Variants in TG observed in about 807,000 individuals in gnomAD.
TG encodes thyroid hormones.
Under a neutral mutation model 324.7 loss-of-function variants are expected in TG, and 270 were observed. That is an observed-to-expected ratio of 0.83 (90% CI 0.75 to 0.92). The LOEUF (loss-of-function observed/expected upper bound fraction) is 0.92, where lower values mean the gene tolerates loss of function less well. Among genes scored for constraint, TG ranks in the 40% least tolerant of loss-of-function variants. The pLI is 0.00. For missense variants in TG, 3,591 were observed against 3,456.4 expected (o/e 1.04, Z -0.98); for synonymous variants, 1,401 against 1,327.0 (o/e 1.06, Z -1.21).
At chr8:133,001,953 G>A in intron 35 of TG, 1 of 985,462 alleles carries the variant, frequency 1.0e-6, no homozygotes, top group Non-Finnish European at 1.2e-6. Flanking sequence ...ATTCCTCTTG[G>A]TTTTGATTGC....
intron 21 of TG, among the ~76,000 whole-genome samples, chr8:132,921,977 C>G (rs973427493): frequency 1.3e-5 from 2 of 152,172 alleles, no homozygotes; most frequent in Non-Finnish European, 2.9e-5. Context: ...CTTCCCAGAC[C>G]TGGAGAACCA....
chr8:132,915,471 A>G (rs1820159596), intron 20 of TG, among the ~76,000 whole-genome samples: 1 of 152,164 alleles, frequency 6.6e-6, no homozygotes. Flanking sequence ...GGGAAAGAGT[A>G]GGGCCTGGGA....
intron 29 of TG, chr8:132,964,801 A>G: frequency 1.5e-6 from 1 of 677,990 alleles, no homozygotes; most frequent in East Asian, 2.7e-5. Flanking sequence ...CCACTGCATG[A>G]CAGTGTGGCA....
chr8:132,988,636 T>A, intron 35 of TG: 1 of 902,752 alleles, frequency 1.1e-6, no homozygotes, highest in Non-Finnish European at 1.3e-6. Context: ...TGGATAAAAA[T>A]TGTTTTATAA....
chr8:133,108,809 T>C (rs1850041071), intron 43 of TG, among the ~76,000 whole-genome samples: 1 of 152,200 alleles, frequency 6.6e-6, no homozygotes, highest in South Asian at 2.1e-4. Context: ...CCCTTTGCCA[T>C]GTAGTACTCT....
At chr8:133,059,365 C>T (rs1183630639) in intron 41 of TG, among the ~76,000 whole-genome samples, 1 of 152,214 alleles carries the variant, frequency 6.6e-6, no homozygotes, top group African/African-American at 2.4e-5. Context: ...AAGGGGCCAG[C>T]ATAGCTGAGT....
Position 133,055,363 on chromosome 8 carries a change from GCGCACACACACACACACA to G in TG, c.7239+25342_7239+25359del, listed in dbSNP as rs1475329342. Among the ~76,000 whole-genome samples the G allele has an allele frequency of 1.2e-3, 38 of 32,020 alleles. 1 individual carries two copies. Among genetic ancestry groups the G allele is most frequent in the African/African-American group, 4.9e-3 (24 of 4,882 alleles). 21.0% of individuals were successfully genotyped at this position (32,020 alleles called of 152,430 possible). ...ATCTTCAGGACACACACACGCACGC[GCGCACACACACACACACA>G]CACACACACACACACACACACACAC... On this transcript the variant is annotated intron_variant, in intron 41 of 47. Coordinates refer to ENST00000220616, the MANE Select transcript of TG (RefSeq NM_003235.5).
At chr8:132,926,544 C>T (rs190033730) in intron 22 of TG, among the ~76,000 whole-genome samples, 40 of 152,256 alleles carry the variant, frequency 2.6e-4, no homozygotes, top group Non-Finnish European at 4.9e-4. Flanking sequence ...GCCATAGGTA[C>T]TCTTTGACAG....
chr8:133,124,768 C>T (rs1309741356), intron 45 of TG, among the ~76,000 whole-genome samples: 1 of 152,194 alleles, frequency 6.6e-6, no homozygotes, highest in African/African-American at 2.4e-5. Context: ...GTTGTCCCAA[C>T]CCTGGAAAAC....
chr8:133,115,129 C>G (rs2958684), intron 44 of TG, among the ~76,000 whole-genome samples: 30,821 of 149,998 alleles, frequency 0.21, 3,313 homozygotes, highest in South Asian at 0.29. Flanking sequence ...ATCAAAAAAC[C>G]TAGGTTCTTG....
chr8:132,928,932 C>A, intron 22 of TG, 144 bp from the exon 23 acceptor site: 1 of 728,202 alleles, frequency 1.4e-6, no homozygotes, highest in Non-Finnish European at 2.5e-6. Flanking sequence ...AGCTACCTTA[C>A]AAAGGAATTG....
At chr8:132,999,306 A>G (rs1833213022) in intron 35 of TG, among the ~76,000 whole-genome samples, 1 of 139,954 alleles carries the variant, frequency 7.1e-6, no homozygotes, top group South Asian at 2.2e-4. Flanking sequence ...ATCCTATCAA[A>G]TAAGAATAAT....
chr8:132,988,607 T>A (rs1009408365), intron 35 of TG: 1 of 590,312 alleles, frequency 1.7e-6, no homozygotes, highest in South Asian at 7.4e-5. Flanking sequence ...CGGTGTATAG[T>A]GTATAGTTGT....
chr8:132,974,384 A>C (rs1829940859), intron 34 of TG, among the ~76,000 whole-genome samples: 1 of 152,218 alleles, frequency 6.6e-6, no homozygotes, highest in Admixed American at 6.5e-5. Flanking sequence ...GTTTCAGACC[A>C]TGATGGATTT....
At position 132,941,358 on chromosome 8, in the gene TG, A is replaced by T. The variant is rs1824415391; in HGVS notation, c.5049A>T (p.Gly1683=). Residue 1683 remains glycine, a synonymous_variant, in exon 26 of 48, where the codon GGA becomes GGT. Transcript: ENST00000220616. ...GTTCTGCCTTTCCCCCAGGCCAAGGATCCACCACAACACTTCAGAAACGCT... is the reference window on the plus strand; with the variant it reads ...GTTCTGCCTTTCCCCCAGGCCAAGGTTCCACCACAACACTTCAGAAACGCT... ...SPAVYLKKGQ[G]STTTLQKRFE... 27 of 1,614,118 alleles carry T rather than the reference A, an allele frequency of 1.7e-5. No homozygotes were observed. The highest frequency in any genetic ancestry group is 2.3e-5 in the Non-Finnish European group (27 of 1,180,056).
rs778070217 is a variant in TG at position 132,967,888 on chromosome 8, G to A, written c.5781G>A (p.Val1927=). The A allele has an allele frequency of 1.2e-6, 2 of 1,613,936 alleles. No individual in the cohort carries two copies. The highest frequency in any genetic ancestry group is 1.7e-6 in the Non-Finnish European group (2 of 1,179,970). ...GCACCCTCTACCCAGAGGCACAGGTGTGTGATGACATCATGGAGTCCAATG... is the reference window on the plus strand; with the variant it reads ...GCACCCTCTACCCAGAGGCACAGGTATGTGATGACATCATGGAGTCCAATG... The part of the protein sequence containing the change: ...FTCTLYPEAQ[V]CDDIMESNAQ... The change falls in exon 31 of 48, where the codon GTG becomes GTA. Residue 1927 remains valine (V), a synonymous_variant. Coordinates refer to ENST00000220616, the MANE Select transcript of TG (RefSeq NM_003235.5).
At chr8:133,128,343 A>AGG (rs1361404654) in intron 45 of TG, among the ~76,000 whole-genome samples, 6 of 80,000 alleles carry the variant, frequency 7.5e-5, no homozygotes, top group African/African-American at 5.4e-4. Context: ...GCGTGCACAC[A>AGG]CACACACACA....
chr8:133,059,180 T>A, intron 41 of TG: 1 of 455,838 alleles, frequency 2.2e-6, no homozygotes, highest in Non-Finnish European at 4.4e-6. Context: ...CTGGGAACCA[T>A]GTGTGGTCAC....
intron 35 of TG, among the ~76,000 whole-genome samples, chr8:132,987,617 T>G (rs1831727051): frequency 1.3e-5 from 2 of 152,106 alleles, no homozygotes; most frequent in African/African-American, 2.4e-5. Flanking sequence ...ATAAGGTTAC[T>G]TGGTTGAGTT....
Sources: gnomAD v4.1 joint callset for allele counts (sites outside exome capture counted in the v4.1 genomes callset) on GRCh38, gnomAD v4.1.1 for gene constraint, MANE v1.5 for transcripts, NCBI Gene and HGNC (gene_info 2026-07-23, HGNC 2026-07-21) for gene names.